The following PELI2 variants were observed in gnomAD, a reference collection of about 807,000 sequenced individuals.
PELI2 encodes pellino E3 ubiquitin protein ligase family member 2, also known as E3 ubiquitin-protein ligase pellino homolog 2.
In PELI2, 23 loss-of-function variants were observed where a neutral mutation model predicts 42.3. The observed-to-expected ratio is 0.54, with a 90% CI of 0.39 to 0.77. PELI2 has a LOEUF of 0.77. PELI2 is among the 30% of genes least tolerant of loss of function. The pLI is 0.00. For synonymous variants in PELI2, 245 were observed against 212.2 expected, an observed-to-expected ratio of 1.15 and a Z score of -1.34; for missense variants, 463 against 553.2, an observed-to-expected ratio of 0.84 and a Z score of 1.64.
chr14:56,121,063 T>C (rs1431348571), intron 1 of PELI2, among the ~76,000 whole-genome samples: 1 of 152,156 alleles, frequency 6.6e-6, no homozygotes, highest in Non-Finnish European at 1.5e-5. Flanking sequence ...AAAACAACAA[T>C]AACATTCACA....
intron 2 of PELI2, among the ~76,000 whole-genome samples, chr14:56,275,106 T>C (rs1889244449): frequency 6.6e-6 from 1 of 152,132 alleles, no homozygotes; most frequent in Non-Finnish European, 1.5e-5. Flanking sequence ...TTGACATTCA[T>C]TGAATGCCTG....
intron 5 of PELI2, among the ~76,000 whole-genome samples, chr14:56,294,992 T>A (rs530145911): frequency 6.6e-6 from 1 of 152,290 alleles, no homozygotes; most frequent in Admixed American, 6.5e-5. Context: ...CTGCCATTTC[T>A]CCTGTGTTTC....
At chr14:56,258,560 G>A (rs771069604) in intron 2 of PELI2, among the ~76,000 whole-genome samples, 2 of 145,180 alleles carry the variant, frequency 1.4e-5, no homozygotes, top group African/African-American at 2.6e-5. Flanking sequence ...TTCTGAAGGT[G>A]AAAAATAACA....
At chr14:56,295,364 C>G (rs1889964470) in intron 5 of PELI2, among the ~76,000 whole-genome samples, 1 of 152,162 alleles carries the variant, frequency 6.6e-6, no homozygotes, top group South Asian at 2.1e-4. Flanking sequence ...ACCCAGTGCC[C>G]TGAACTGCGT....
At chr14:56,294,840 T>C (rs1484502043) in intron 5 of PELI2, among the ~76,000 whole-genome samples, 2 of 152,212 alleles carry the variant, frequency 1.3e-5, no homozygotes, top group African/African-American at 2.4e-5. Flanking sequence ...GTTGAACTTA[T>C]TTAGTTCTCA....
chr14:56,121,671 G>T (rs139686219), intron 1 of PELI2, among the ~76,000 whole-genome samples: 283 of 152,276 alleles, frequency 1.9e-3, no homozygotes, highest in Non-Finnish European at 2.9e-3. Context: ...TTTACAGGTG[G>T]GTGACCTGAA....
intron 2 of PELI2, among the ~76,000 whole-genome samples, chr14:56,204,979 G>A (rs1013593389): frequency 2.0e-5 from 3 of 147,036 alleles, no homozygotes; most frequent in Non-Finnish European, 4.5e-5. Flanking sequence ...GCAGTGAGCC[G>A]AGACCATGCC....
intron 1 of PELI2, among the ~76,000 whole-genome samples, chr14:56,123,397 A>G (rs942224239): frequency 1.3e-5 from 2 of 152,214 alleles, no homozygotes; most frequent in Non-Finnish European, 2.9e-5. Context: ...ACTTTAAAAA[A>G]ATTTATAAAA....
intron 2 of PELI2, among the ~76,000 whole-genome samples, chr14:56,188,465 G>C (rs1287462317): frequency 6.6e-6 from 1 of 152,052 alleles, no homozygotes; most frequent in Non-Finnish European, 1.5e-5. Context: ...CTTATGTTAC[G>C]ACATTTCCCT....
intron 3 of PELI2, among the ~76,000 whole-genome samples, chr14:56,286,425 G>T (rs547942081): frequency 1.3e-5 from 2 of 152,114 alleles, no homozygotes; most frequent in Admixed American, 1.3e-4. Context: ...ACCTGTCCTG[G>T]CTTCAGCTGA....
intron 3 of PELI2, among the ~76,000 whole-genome samples, chr14:56,282,657 C>G (rs1241031185): frequency 4.0e-5 from 6 of 151,850 alleles, no homozygotes; most frequent in African/African-American, 1.2e-4. Flanking sequence ...AGTTTGAACT[C>G]AAAAATAAGA....
chr14:56,219,367 G>C lies in PELI2; in HGVS notation c.207+40903G>C, dbSNP rs866485771. On this transcript the variant is annotated intron_variant, in intron 2 of 5. Transcript: ENST00000267460. The surrounding 1 kb of genome is among the most constrained non-coding windows in gnomAD (Gnocchi z 4.1). ...TAAAATGAATGTTGACTTTCCTGAA[G>C]TTATAAACTGTTTTTAACTCTTATC... Among the ~76,000 whole-genome samples the C allele has an allele frequency of 6.6e-6, 1 of 152,138 alleles. No individual in the cohort carries two copies. The highest frequency in any genetic ancestry group is 6.5e-5 in the Admixed American group (1 of 15,280).
intron 2 of PELI2, among the ~76,000 whole-genome samples, chr14:56,199,476 T>G (rs953894325): frequency 6.6e-6 from 1 of 152,186 alleles, no homozygotes; most frequent in African/African-American, 2.4e-5. Flanking sequence ...AATGAAAAAC[T>G]CTTCTTTATA....
Position 56,296,877 on chromosome 14 carries a change from G to T in PELI2, c.974G>T (p.Arg325Leu), listed in dbSNP as rs200311934. ...HVHGYHNWGHRSDTEANEREC... is the reference protein window; with the variant it reads ...HVHGYHNWGHLSDTEANEREC... The stretch of plus-strand genomic sequence containing the variant: ...CACGGGTACCACAACTGGGGCCATC[G>T]GAGTGACACGGAGGCCAACGAGAGG... Residue 325 changes from arginine to leucine, a missense_variant, in exon 6 of 6, where the codon CGG becomes CTG. Transcript: ENST00000267460. The T allele has an allele frequency of 3.7e-6, 6 of 1,614,152 alleles. No individual in the cohort carries two copies. In the East Asian group the frequency reaches 1.3e-4, roughly 36 times the overall value.
At chr14:56,150,988 TTG>T (rs1884329551) in intron 1 of PELI2, among the ~76,000 whole-genome samples, 1 of 152,228 alleles carries the variant, frequency 6.6e-6, no homozygotes, top group Non-Finnish European at 1.5e-5. Flanking sequence ...TGAAATGATT[TTG>T]TCTTTTGCAT....
At chr14:56,216,809 C>G (rs1023953090) in intron 2 of PELI2, among the ~76,000 whole-genome samples, 1 of 152,186 alleles carries the variant, frequency 6.6e-6, no homozygotes, top group African/African-American at 2.4e-5. Flanking sequence ...CTTTACTTAC[C>G]CCGCAGACAG....
chr14:56,148,244 C>G (rs1159475399), intron 1 of PELI2, among the ~76,000 whole-genome samples: 1 of 152,182 alleles, frequency 6.6e-6, no homozygotes, highest in East Asian at 1.9e-4. Context: ...CTGTAGCCTC[C>G]TTATTCCTTT....
chr14:56,290,230 C>T (rs1160805435), intron 4 of PELI2, 38 bp from the exon 5 acceptor site: 2 of 1,448,980 alleles, frequency 1.4e-6, no homozygotes, highest in East Asian at 2.3e-5. Context: ...TCAACATCAT[C>T]TTAACCTACT....
intron 2 of PELI2, among the ~76,000 whole-genome samples, chr14:56,230,716 C>T (rs1164200161): frequency 6.6e-6 from 1 of 152,162 alleles, no homozygotes; most frequent in Non-Finnish European, 1.5e-5. Context: ...AACCAGCTAA[C>T]ATCACAATGA....
Sources: gnomAD v4.1 joint callset for allele counts (sites outside exome capture counted in the v4.1 genomes callset) on GRCh38, gnomAD v4.1.1 for gene constraint, Gnocchi (gnomAD v3.1) non-coding constraint, MANE v1.5 for transcripts, NCBI Gene and HGNC (gene_info 2026-07-23, HGNC 2026-07-21) for gene names.